The following PCDHGA1 variants were observed in gnomAD, a reference collection of about 807,000 sequenced individuals.
PCDHGA1 encodes the protein protocadherin gamma-A1.
PCDHGA1 carries 32 observed loss-of-function variants against 58.0 expected under a neutral mutation model. That is an observed-to-expected ratio of 0.55 (90% CI 0.42 to 0.74). The LOEUF is 0.74. Among genes scored for constraint, PCDHGA1 ranks in the 30% least tolerant of loss-of-function variants. PCDHGA1 has a pLI of 0.00. For synonymous variants in PCDHGA1, 498 were observed against 501.1 expected (o/e 0.99, Z 0.08); for missense variants, 1,205 against 1,182.3 (o/e 1.02, Z -0.28).
intron 1 of PCDHGA1, among the ~76,000 whole-genome samples, chr5:141,481,478 T>C (rs2099538352): frequency 6.6e-6 from 1 of 152,232 alleles, no homozygotes; most frequent in African/African-American, 2.4e-5. Context: ...GATTATACAC[T>C]TTAAATATGT....
chr5:141,378,017 A>G (rs1371705744), intron 1 of PCDHGA1: 1 of 152,202 alleles, frequency 6.6e-6, no homozygotes, highest in South Asian at 2.1e-4. Flanking sequence ...AGCTCTACTT[A>G]TATTATTTTT....
intron 1 of PCDHGA1, among the ~76,000 whole-genome samples, chr5:141,472,497 G>A (rs1196427013): frequency 1.3e-5 from 2 of 151,958 alleles, no homozygotes; most frequent in Non-Finnish European, 2.9e-5. Context: ...ACGAGATCGT[G>A]CCACTGCACT....
chr5:141,336,919 G>A (rs897461218), intron 1 of PCDHGA1, among the ~76,000 whole-genome samples: 8 of 152,134 alleles, frequency 5.3e-5, no homozygotes, highest in East Asian at 3.8e-4. Context: ...TAAAGAACTC[G>A]AACTCAACAA....
At chr5:141,483,224 G>A (rs530779494) in intron 1 of PCDHGA1, among the ~76,000 whole-genome samples, 17 of 152,242 alleles carry the variant, frequency 1.1e-4, no homozygotes, top group Middle Eastern at 3.4e-3. Flanking sequence ...AGTCACTGCA[G>A]AAATTTGAAC....
intron 1 of PCDHGA1, chr5:141,360,024 G>A: frequency 7.5e-7 from 1 of 1,336,490 alleles, no homozygotes; most frequent in South Asian, 1.6e-5. Flanking sequence ...GAGAAGGCCA[G>A]TATAGATTCG....
rs1165828230 is a variant in PCDHGA1, at chr5:141,511,464, C to T, written c.*291C>T. On this transcript the variant is annotated 3_prime_UTR_variant, in exon 4 of 4. Coordinates refer to ENST00000517417, the MANE Select transcript of PCDHGA1 (RefSeq NM_018912.3). ...ACACCAAGAACCATTTGCCACACCCCGTTTAGTTACAGCTGAACTCCTCCA... is the reference window on the plus strand; with the variant it reads ...ACACCAAGAACCATTTGCCACACCCTGTTTAGTTACAGCTGAACTCCTCCA... 9 of 538,254 alleles carry T rather than the reference C, an allele frequency of 1.7e-5. No individual in the cohort carries two copies. The highest frequency in any genetic ancestry group is 7.8e-5 in the East Asian group (2 of 25,720). 33.3% of individuals were successfully genotyped at this position (538,254 alleles called of 1,614,324 possible).
In PCDHGA1 at chr5:141,491,770, G is replaced by A; in HGVS notation, c.2422-3037G>A. 6.4e-7 allele frequency: 1 copy of A among 1,560,888 alleles called. No individual in the cohort carries two copies. Among genetic ancestry groups the A allele is most frequent in the Non-Finnish European group, 8.7e-7 (1 of 1,154,942 alleles). On this transcript the variant is annotated intron_variant, in intron 1 of 3. Coordinates refer to ENST00000517417, the MANE Select transcript of PCDHGA1 (RefSeq NM_018912.3). This position sits in a 1 kb window ranked among gnomAD's most constrained non-coding sequence, Gnocchi z 6.9. ...TGGAGAAGCCGCCCGTCCTCATAAG[G>A]GATTGAACTTGCATCCACTCCTCTC...
rs779981011 is a variant in PCDHGA1 at position 141,395,287 on chromosome 5, G to T, written c.2421+62182G>T. 11 of 1,533,118 alleles carry T rather than the reference G, an allele frequency of 7.2e-6. No homozygotes were observed. The South Asian group carries it at 1.3e-4, about 18-fold the overall frequency. 95.0% of individuals were successfully genotyped at this position (1,533,118 alleles called of 1,614,324 possible). A position where few individuals can be genotyped will look rare whatever the true frequency, so the allele number is the denominator to read the frequency against. On this transcript the variant is annotated intron_variant, in intron 1 of 3. Transcript: ENST00000517417. ...TTAATTTCCAGATGAATTTTATTTG[G>T]CATAAATTATGTTTTGAAAAACATT...
chr5:141,331,012 G>T lies in PCDHGA1; in HGVS notation c.328G>T (p.Val110Phe), dbSNP rs763935006. Residue 110 changes from valine (V) to phenylalanine (F), a missense_variant, in exon 1 of 4, where the codon GTT becomes TTT. Transcript: ENST00000517417. ...GTGTCTCGTGAGTTTTAATATCCTT[G>T]TTGAGGATAAAATGAAGCTTTTTCC... ...MPCLVSFNILVEDKMKLFPVE... is the reference protein window; with the variant it reads ...MPCLVSFNILFEDKMKLFPVE... 3 of 1,613,860 alleles carry T rather than the reference G, an allele frequency of 1.9e-6. No individual in the cohort carries two copies. Among genetic ancestry groups the T allele is most frequent in the African/African-American group, 1.3e-5 (1 of 74,888 alleles).
chr5:141,395,123 TC>T, intron 1 of PCDHGA1: 1 of 1,614,148 alleles, frequency 6.2e-7, no homozygotes, highest in Non-Finnish European at 8.5e-7. Flanking sequence ...ACCTGATCTT[TC>T]CCCAGCCCAA....
In PCDHGA1 at chr5:141,330,904, C is replaced by T. The variant is rs759544559; in HGVS notation, c.220C>T (p.Leu74Phe). The part of the protein sequence containing the change: ...VRIVSRGRMP[L>F]FALNPRSGSL... ...CATCGTCTCCAGAGGTAGGATGCCG[C>T]TTTTCGCTCTGAATCCTAGAAGTGG... The change falls in exon 1 of 4, where the codon CTT (leucine) becomes TTT (phenylalanine). Residue 74 changes from leucine (L) to phenylalanine (F), a missense_variant. Leu to Phe is a conservative substitution (Grantham distance 22). Coordinates refer to ENST00000517417, the MANE Select transcript of PCDHGA1 (RefSeq NM_018912.3). The T allele has an allele frequency of 3.7e-6, 6 of 1,614,246 alleles. No homozygotes were observed. The highest frequency in any genetic ancestry group is 2.2e-5 in the East Asian group (1 of 44,886).
chr5:141,415,197 A>G, intron 1 of PCDHGA1: 1 of 1,614,016 alleles, frequency 6.2e-7, no homozygotes, highest in African/African-American at 1.3e-5. Context: ...GCATCCCCCA[A>G]GTCCTGGCGG....
chr5:141,418,941 C>T, intron 1 of PCDHGA1: 1 of 1,614,034 alleles, frequency 6.2e-7, no homozygotes, highest in Non-Finnish European at 8.5e-7. Context: ...GAGGATTCCC[C>T]TCCAGGAGTG....
intron 1 of PCDHGA1, chr5:141,375,726 T>C (rs1771809693): frequency 6.2e-7 from 1 of 1,614,262 alleles, no homozygotes; most frequent in East Asian, 2.2e-5. Flanking sequence ...AACGTGTCAC[T>C]GAGCCTGTTT....
Position 141,360,234 on chromosome 5 carries a change from C to T in PCDHGA1, c.2421+27129C>T, listed in dbSNP as rs774582698. The T allele has an allele frequency of 3.1e-6, 5 of 1,613,870 alleles. No individual in the cohort carries two copies. The South Asian group carries it at 5.5e-5, about 18-fold the overall frequency. On this transcript the variant is annotated intron_variant, in intron 1 of 3. Transcript: ENST00000517417. ...TCCCCGGGGCTCTCCCAGTCCAGAT[C>T]CGCTATTCAATTCCAGAGGAGCTGG...
chr5:141,468,801 A>G (rs949203275), intron 1 of PCDHGA1, among the ~76,000 whole-genome samples: 15 of 151,736 alleles, frequency 9.9e-5, no homozygotes, highest in South Asian at 2.1e-4. Context: ...GGGAGGCGGA[A>G]CTTGCAGTGA....
chr5:141,419,248 AAAC>A (rs1229992972), intron 1 of PCDHGA1: 1 of 1,613,980 alleles, frequency 6.2e-7, no homozygotes, highest in Admixed American at 1.7e-5. Context: ...ACGTGCCAGA[AAAC>A]AACCAGCCGG....
intron 1 of PCDHGA1, chr5:141,405,323 T>C (rs1420760439): frequency 6.2e-7 from 1 of 1,614,220 alleles, no homozygotes; most frequent in Non-Finnish European, 8.5e-7. Context: ...AAATGAGCCT[T>C]TGTGCGTCTC....
At position 141,490,490 on chromosome 5, in the gene PCDHGA1, C is replaced by T; in HGVS notation, c.2422-4317C>T. 1 of 1,614,184 alleles carries T rather than the reference C, an allele frequency of 6.2e-7. No homozygotes were observed. The highest frequency in any genetic ancestry group is 8.5e-7 in the Non-Finnish European group (1 of 1,180,028). The stretch of plus-strand genomic sequence containing the variant: ...AGCCAGCCTTTGGACCGGGAGGCCA[C>T]ATCCCACTATATCATCGAGCTGCTG... On this transcript the variant is annotated intron_variant, in intron 1 of 3. Coordinates refer to ENST00000517417, the MANE Select transcript of PCDHGA1 (RefSeq NM_018912.3). The surrounding 1 kb of genome is among the most constrained non-coding windows in gnomAD (Gnocchi z 5.4).
Sources: allele counts gnomAD v4.1 joint callset (sites outside exome capture counted in the v4.1 genomes callset), GRCh38; gene constraint gnomAD v4.1.1; non-coding constraint Gnocchi (gnomAD v3.1); transcripts MANE v1.5; gene names NCBI Gene and HGNC (gene_info 2026-07-23, HGNC 2026-07-21).